The following STRBP variants were observed in gnomAD, a reference collection of about 807,000 sequenced individuals.
The protein encoded by STRBP is spermatid perinuclear RNA binding protein.
STRBP carries 13 observed loss-of-function variants against 80.1 expected under a neutral mutation model. The observed-to-expected ratio is 0.16, with a 90% CI of 0.11 to 0.26. STRBP has a LOEUF of 0.26. STRBP is among the 10% of genes least tolerant of loss of function. STRBP has a pLI of 1.00. For synonymous variants in STRBP, 284 were observed against 291.2 expected (o/e 0.98, Z 0.25); for missense variants, 485 against 815.2 (o/e 0.59, Z 4.93).
At chr9:123,219,853 G>A (rs745442372) in intron 2 of STRBP, among the ~76,000 whole-genome samples, 1 of 152,206 alleles carries the variant, frequency 6.6e-6, no homozygotes, top group Non-Finnish European at 1.5e-5. Context: ...CTTCAAAGGA[G>A]GGACACACTG....
chr9:123,120,273 CAGACTGTAT>C (rs1260619817), downstream of STRBP, among the ~76,000 whole-genome samples: 2 of 151,618 alleles, frequency 1.3e-5, no homozygotes, highest in Admixed American at 6.6e-5. Flanking sequence ...AGCATGGCGT[CAGACTGTAT>C]AGAGTATGAG....
At chr9:123,192,409 A>G (rs1287714883) in intron 2 of STRBP, among the ~76,000 whole-genome samples, 2 of 152,212 alleles carry the variant, frequency 1.3e-5, no homozygotes, top group African/African-American at 2.4e-5. Context: ...AAAGTCAACA[A>G]AAGAAAAATT....
At chr9:123,144,837 T>TA (rs1345876884) in intron 13 of STRBP, among the ~76,000 whole-genome samples, 5 of 152,186 alleles carry the variant, frequency 3.3e-5, no homozygotes, top group Non-Finnish European at 5.9e-5. Context: ...CCTGAGATGT[T>TA]AGAGGCCTAG....
Position 123,206,925 on chromosome 9 carries a change from A to G in STRBP, c.-164-22627T>C, listed in dbSNP as rs905568312. 2.0e-5 allele frequency among the ~76,000 whole-genome samples: 3 copies of G among 152,220 alleles called. No homozygotes were observed. The East Asian group carries it at 5.8e-4, about 29-fold the overall frequency. ...AGTGCTAGAATTACAGGCATGAGCC[A>G]CCGCGCCCAGCCAAGAAGATTTTTT... On this transcript the variant is annotated intron_variant, in intron 2 of 18. Coordinates refer to ENST00000348403, the MANE Select transcript of STRBP (RefSeq NM_018387.5).
rs961530462 is a variant in STRBP at position 123,115,870 on chromosome 9, A to G, written c.*84+59T>C. 1.1e-5 allele frequency: 4 copies of G among 367,294 alleles called. 1 individual carries two copies. Among genetic ancestry groups the G allele is most frequent in the South Asian group, 4.2e-5 (2 of 47,742 alleles). The allele number at this position is 367,294 out of a possible 1,614,324, so 22.8% of individuals were successfully genotyped here. On this transcript the variant is annotated intron_variant and NMD_transcript_variant, in intron 3 of 3. Coordinates refer to the STRBP transcript ENST00000471564. This position sits in a 1 kb window ranked among gnomAD's most constrained non-coding sequence, Gnocchi z 5.0. ...TCAAATTGCCCCACTGGCTTCCCAT[A>G]ATTGTCTTTCACCCTTTGGAACCAC... is the stretch of plus-strand genomic sequence containing the variant.
intron 2 of STRBP, chr9:123,213,547 T>C (rs1253315628): frequency 1.3e-5 from 2 of 152,126 alleles, no homozygotes; most frequent in African/African-American, 4.8e-5. Context: ...TTATACCAAC[T>C]GGACAGAGGA....
intron 9 of STRBP, among the ~76,000 whole-genome samples, 184 bp from the exon 10 acceptor site, chr9:123,158,613 A>G (rs1337244149): frequency 6.6e-6 from 1 of 152,158 alleles, no homozygotes; most frequent in Non-Finnish European, 1.5e-5. Flanking sequence ...ACATGTTAGC[A>G]CTTGTATGTC....
intron 2 of STRBP, among the ~76,000 whole-genome samples, chr9:123,224,320 C>T (rs2040167618): frequency 6.6e-6 from 1 of 152,180 alleles, no homozygotes; most frequent in East Asian, 1.9e-4. Flanking sequence ...ATTCTTCACT[C>T]ACAGAACAAA....
At chr9:123,118,974 C>G (rs146636187), downstream of STRBP, among the ~76,000 whole-genome samples, 16 of 152,250 alleles carry the variant, frequency 1.1e-4, no homozygotes, top group East Asian at 2.9e-3. Flanking sequence ...CCAACTGTGT[C>G]CAGACAGTAA....
intron 1 of STRBP, among the ~76,000 whole-genome samples, chr9:123,263,945 C>T (rs1028295608): frequency 6.6e-6 from 1 of 152,130 alleles, no homozygotes; most frequent in South Asian, 2.1e-4. Context: ...TTTGGGAGGC[C>T]GAGGCGGGTG....
intron 1 of STRBP, among the ~76,000 whole-genome samples, chr9:123,263,225 C>G (rs904162312): frequency 6.6e-6 from 1 of 152,066 alleles, no homozygotes; most frequent in Non-Finnish European, 1.5e-5. Context: ...AGATCACTAT[C>G]GGAGCTGGGT....
Position 123,125,538 on chromosome 9 carries a change from C to T in STRBP, c.*59G>A. On this transcript the variant is annotated 3_prime_UTR_variant, in exon 19 of 19. Transcript: ENST00000348403. ...AGAAAGCAGGATAAAAAGGCTTTTTCTCTAACATTCTGTGTTGTACTGTAT... is the reference window on the plus strand; with the variant it reads ...AGAAAGCAGGATAAAAAGGCTTTTTTTCTAACATTCTGTGTTGTACTGTAT... 3 of 1,452,906 alleles carry T rather than the reference C, an allele frequency of 2.1e-6. No homozygotes were observed. The highest frequency in any genetic ancestry group is 2.7e-6 in the Non-Finnish European group (3 of 1,096,882). 90.0% of individuals were successfully genotyped at this position (1,452,906 alleles called of 1,614,324 possible). A position where few individuals can be genotyped will look rare whatever the true frequency, so the allele number is the denominator to read the frequency against.
chr9:123,222,637 T>C (rs1225108725), intron 2 of STRBP, among the ~76,000 whole-genome samples: 1 of 152,172 alleles, frequency 6.6e-6, no homozygotes, highest in Non-Finnish European at 1.5e-5. Flanking sequence ...ATAACCTCAG[T>C]AAAATGTATC....
chr9:123,163,179 T>C (rs1329076175), intron 6 of STRBP, among the ~76,000 whole-genome samples: 1 of 152,186 alleles, frequency 6.6e-6, no homozygotes, highest in African/African-American at 2.4e-5. Flanking sequence ...ACACAGAGGA[T>C]AGGAAAAGGC....
In STRBP at chr9:123,177,366, C is replaced by G. The variant is rs2038265699; in HGVS notation, c.224+1641G>C. On this transcript the variant is annotated intron_variant, in intron 4 of 18. Coordinates refer to ENST00000348403, the MANE Select transcript of STRBP (RefSeq NM_018387.5). ...ATAGCTTGAGGTCAGGAATTCGAGA[C>G]CAAATTCGGCAATGCAGCAAGACTC... 3.3e-5 allele frequency among the ~76,000 whole-genome samples: 5 copies of G among 152,184 alleles called. No individual in the cohort carries two copies. In the South Asian group the frequency reaches 8.3e-4, roughly 25 times the overall value.
chr9:123,123,679 A>T lies in STRBP; in HGVS notation c.*1918T>A. The stretch of plus-strand genomic sequence containing the variant: ...TCAAAAGAATTTTCTAACGAGAAAT[A>T]TCTAGAGATTCCAACGTGGAATCCA... On this transcript the variant is annotated 3_prime_UTR_variant, in exon 19 of 19. Coordinates refer to ENST00000348403, the MANE Select transcript of STRBP (RefSeq NM_018387.5). 1 of 985,462 alleles carries T rather than the reference A, an allele frequency of 1.0e-6. No homozygotes were observed. Among genetic ancestry groups the T allele is most frequent in the Non-Finnish European group, 1.2e-6 (1 of 829,936 alleles). The allele number at this position is 985,462 out of a possible 1,614,324, so 61.0% of individuals were successfully genotyped here. A position where few individuals can be genotyped will look rare whatever the true frequency, so the allele number is the denominator to read the frequency against.
At position 123,170,050 on chromosome 9, in the gene STRBP, A is replaced by C; in HGVS notation, c.391-4T>G. ...GATATTTCTCTTCTGTGAGTTTCTG[A>C]AAGTCACCAAGATTTCAAAATCACC... On this transcript the variant is annotated splice_polypyrimidine_tract_variant and splice_region_variant and intron_variant, in intron 5 of 18. Transcript: ENST00000348403. The C allele has an allele frequency of 6.3e-7, 1 of 1,595,556 alleles. No homozygotes were observed. Among genetic ancestry groups the C allele is most frequent in the East Asian group, 2.3e-5 (1 of 43,686 alleles).
chr9:123,165,235 C>G (rs953844162), intron 6 of STRBP, among the ~76,000 whole-genome samples: 1 of 147,580 alleles, frequency 6.8e-6, no homozygotes, highest in African/African-American at 2.5e-5. Flanking sequence ...GAGCCGAGAT[C>G]GCACCACTGC....
At chr9:123,241,412 G>C in intron 1 of STRBP, among the ~76,000 whole-genome samples, 1 of 152,056 alleles carries the variant, frequency 6.6e-6, no homozygotes, top group Non-Finnish European at 1.5e-5. Flanking sequence ...AAGAGGCTGA[G>C]GTGGGAGGGT....
Sources: gnomAD v4.1 joint callset for allele counts (sites outside exome capture counted in the v4.1 genomes callset) on GRCh38, gnomAD v4.1.1 for gene constraint, Gnocchi (gnomAD v3.1) non-coding constraint, MANE v1.5 for transcripts, NCBI Gene and HGNC (gene_info 2026-07-23, HGNC 2026-07-21) for gene names.